Variants in CA12 observed in about 807,000 individuals in gnomAD.
CA12 encodes the protein carbonate dehydratase XII.
CA12 carries 36 observed loss-of-function variants against 46.8 expected under a neutral mutation model. The observed-to-expected ratio is 0.77, with a 90% confidence interval of 0.59 to 1.02. The LOEUF (loss-of-function observed/expected upper bound fraction) is 1.02, where lower values mean the gene tolerates loss of function less well. CA12 is among the 50% of genes least tolerant of loss of function. The pLI is 0.00. For missense variants in CA12, 436 were observed against 451.4 expected (o/e 0.97, Z 0.31); for synonymous variants, 202 against 187.0 (o/e 1.08, Z -0.65).
chr15:63,326,128 A>C lies in CA12; in HGVS notation c.*157T>G. Reference sequence around the variant, plus strand: ...TGGCTCTGGGGTGGCCATGGTCCCAAGGCAAGGAGGCACCCAGCAGAGGAT... The same window carrying C: ...TGGCTCTGGGGTGGCCATGGTCCCACGGCAAGGAGGCACCCAGCAGAGGAT... On this transcript the variant is annotated 3_prime_UTR_variant, in exon 11 of 11. Coordinates refer to ENST00000178638, the MANE Select transcript of CA12 (RefSeq NM_001218.5). 1.5e-6 allele frequency: 1 copy of C among 679,162 alleles called. No individual in the cohort carries two copies. Among genetic ancestry groups the C allele is most frequent in the Non-Finnish European group, 2.7e-6 (1 of 371,814 alleles). 42.1% of individuals were successfully genotyped at this position (679,162 alleles called of 1,614,324 possible).
chr15:63,343,408 A>G (rs2039107531), intron 4 of CA12, among the ~76,000 whole-genome samples: 1 of 149,456 alleles, frequency 6.7e-6, no homozygotes, highest in African/African-American at 2.5e-5. Flanking sequence ...CAGCCTCCCG[A>G]GTAGCTAGGA....
intron 2 of CA12, among the ~76,000 whole-genome samples, chr15:63,364,622 G>T (rs1458145724): frequency 1.3e-5 from 2 of 152,226 alleles, no homozygotes; most frequent in African/African-American, 4.8e-5. Flanking sequence ...TTGCCTCGCA[G>T]TGTGCCGTTC....
chr15:63,380,175 C>T (rs2039626998), intron 1 of CA12, among the ~76,000 whole-genome samples: 1 of 152,178 alleles, frequency 6.6e-6, no homozygotes, highest in Non-Finnish European at 1.5e-5. Flanking sequence ...AGGCAGTCTC[C>T]TTCCTCAGAG....
intron 1 of CA12, 115 bp from the exon 2 acceptor site, chr15:63,375,793 T>C (rs2039562831): frequency 2.7e-6 from 2 of 740,702 alleles, no homozygotes; most frequent in African/African-American, 1.8e-5. Flanking sequence ...TGCCCAGAAA[T>C]TGAAACTTTT....
At chr15:63,360,619 A>G (rs896050489) in intron 2 of CA12, among the ~76,000 whole-genome samples, 1 of 152,180 alleles carries the variant, frequency 6.6e-6, no homozygotes, top group Admixed American at 6.5e-5. Flanking sequence ...GTTGCCTGCA[A>G]TGGGATGCCA....
Position 63,340,560 on chromosome 15 carries a change from A to G in CA12, c.590-115T>C, listed in dbSNP as rs2039065300. On this transcript the variant is annotated intron_variant, in intron 6 of 10. Coordinates refer to ENST00000178638, the MANE Select transcript of CA12 (RefSeq NM_001218.5). The surrounding 1 kb of genome is among the most constrained non-coding windows in gnomAD (Gnocchi z 4.4). ...GAACTAGCCCCTTTCAGGGTCATCT[A>G]ACCCCAGGACCTGGTTGCAACATTG... 24 of 1,470,002 alleles carry G rather than the reference A, an allele frequency of 1.6e-5. No individual in the cohort carries two copies. The highest frequency in any genetic ancestry group is 2.2e-5 in the Non-Finnish European group (23 of 1,049,934). 91.1% of individuals were successfully genotyped at this position (1,470,002 alleles called of 1,614,324 possible). A position where few individuals can be genotyped will look rare whatever the true frequency, so the allele number is the denominator to read the frequency against.
At chr15:63,354,752 T>C (rs1433075045) in intron 2 of CA12, among the ~76,000 whole-genome samples, 1 of 152,016 alleles carries the variant, frequency 6.6e-6, no homozygotes, top group East Asian at 1.9e-4. Context: ...TCATTTCCCA[T>C]CCAGCCATGG....
At chr15:63,361,001 C>G (rs1376956384) in intron 2 of CA12, among the ~76,000 whole-genome samples, 1 of 152,196 alleles carries the variant, frequency 6.6e-6, no homozygotes, top group East Asian at 1.9e-4. Context: ...TCAACAGTTT[C>G]TTCCTGACAC....
intron 10 of CA12, among the ~76,000 whole-genome samples, chr15:63,326,589 T>A (rs1319877500): frequency 6.6e-6 from 1 of 152,184 alleles, no homozygotes; most frequent in Non-Finnish European, 1.5e-5. Context: ...AGTAGACCTA[T>A]ATTTTGAAAG....
intron 1 of CA12, among the ~76,000 whole-genome samples, 194 bp downstream of exon 1, chr15:63,381,442 A>C (rs1445031550): frequency 6.6e-6 from 1 of 152,236 alleles, no homozygotes; most frequent in Non-Finnish European, 1.5e-5. Flanking sequence ...GCCAAGCGCC[A>C]CTAGAAAGCA....
intron 1 of CA12, 62 bp from the exon 2 acceptor site, chr15:63,375,740 AC>A: frequency 7.7e-7 from 1 of 1,301,688 alleles, no homozygotes; most frequent in African/African-American, 1.5e-5. Flanking sequence ...GGAAAACACT[AC>A]AGATTTTGTT....
intron 1 of CA12, chr15:63,379,207 G>C (rs2039613710): frequency 6.6e-6 from 1 of 152,256 alleles, no homozygotes; most frequent in South Asian, 2.1e-4. Flanking sequence ...CTCCAGACTC[G>C]GCACTTTGGG....
rs550855510 is a variant in CA12, at chr15:63,345,048, G to A, written c.429+429C>T. On this transcript the variant is annotated intron_variant, in intron 4 of 10. Transcript: ENST00000178638. This position sits in a 1 kb window ranked among gnomAD's most constrained non-coding sequence, Gnocchi z 4.3. ...TAAACACAACCCATGCCCAGAGAGG[G>A]AAAGATAGCATCAAAATGATGCAAA... Among the ~76,000 whole-genome samples, 1 of 152,280 alleles carries A rather than the reference G, an allele frequency of 6.6e-6. No homozygotes were observed. Among genetic ancestry groups the A allele is most frequent in the South Asian group, 2.1e-4 (1 of 4,820 alleles).
At chr15:63,346,092 A>T (rs1288357516) in intron 3 of CA12, among the ~76,000 whole-genome samples, 1 of 152,240 alleles carries the variant, frequency 6.6e-6, no homozygotes, top group Non-Finnish European at 1.5e-5. Flanking sequence ...TTCCAGATGG[A>T]AGCTCAAGGA....
At position 63,325,787 on chromosome 15, in the gene CA12, T is replaced by G; in HGVS notation, c.*498A>C. 1 of 212,990 alleles carries G rather than the reference T, an allele frequency of 4.7e-6. No individual in the cohort carries two copies. The allele number at this position is 212,990 out of a possible 1,614,324, so 13.2% of individuals were successfully genotyped here. On this transcript the variant is annotated 3_prime_UTR_variant, in exon 11 of 11. Coordinates refer to ENST00000178638, the MANE Select transcript of CA12 (RefSeq NM_001218.5). This position sits in a 1 kb window ranked among gnomAD's most constrained non-coding sequence, Gnocchi z 4.9. The stretch of plus-strand genomic sequence containing the variant: ...GAGTTGTAAGGTGCAGATTAAAGGT[T>G]TTGTCATAGCAGAAGGAAATCAGAG...
rs775508087 is a variant in CA12 at position 63,373,957 on chromosome 15, G to A, written c.106+1701C>T. ...TTTGTCAGTTCTCTTATCCTGGCCT[G>A]GCCTTCCCCCTCACTGCCACCACTG... On this transcript the variant is annotated intron_variant, in intron 2 of 10. Transcript: ENST00000178638. The surrounding 1 kb of genome is among the most constrained non-coding windows in gnomAD (Gnocchi z 4.9). Among the ~76,000 whole-genome samples the A allele has an allele frequency of 7.9e-5, 12 of 152,138 alleles. No individual in the cohort carries two copies. The highest frequency in any genetic ancestry group is 1.6e-4 in the Non-Finnish European group (11 of 68,036).
chr15:63,361,286 T>G (rs2039360214), intron 2 of CA12, among the ~76,000 whole-genome samples: 1 of 152,228 alleles, frequency 6.6e-6, no homozygotes, highest in Admixed American at 6.5e-5. Context: ...TCTTTAGCAG[T>G]TTGTGCCTTT....
rs567862258 is a variant in CA12 at position 63,332,648 on chromosome 15, G to A, written c.875-4518C>T. Among the ~76,000 whole-genome samples, 11 of 152,322 alleles carry A rather than the reference G, an allele frequency of 7.2e-5. No individual in the cohort carries two copies. The South Asian group carries it at 2.1e-3, about 29-fold the overall frequency. Reference sequence around the variant, plus strand: ...AACTTCCTCCCAGACCTTCAAAACTGACAGCTAAGTTCTGATCGTTAATCT... The same window carrying A: ...AACTTCCTCCCAGACCTTCAAAACTAACAGCTAAGTTCTGATCGTTAATCT... On this transcript the variant is annotated intron_variant, in intron 8 of 10. Transcript: ENST00000178638.
chr15:63,376,228 G>C (rs977176891), intron 1 of CA12, among the ~76,000 whole-genome samples: 1 of 152,220 alleles, frequency 6.6e-6, no homozygotes, highest in African/African-American at 2.4e-5. Flanking sequence ...GGGGGTTCTT[G>C]AGCAGGTGCC....
Sources: gnomAD v4.1 joint callset for allele counts (sites outside exome capture counted in the v4.1 genomes callset) on GRCh38, gnomAD v4.1.1 for gene constraint, Gnocchi (gnomAD v3.1) non-coding constraint, MANE v1.5 for transcripts, NCBI Gene and HGNC (gene_info 2026-07-23, HGNC 2026-07-21) for gene names.